The following EML3 variants were observed in gnomAD, a reference collection of about 807,000 sequenced individuals.
EML3 encodes the protein echinoderm microtubule-associated protein-like 3.
A neutral mutation model predicts 106.7 loss-of-function variants in EML3; 53 were observed. That is an observed-to-expected ratio of 0.50 (90% CI 0.40 to 0.62). EML3 has a LOEUF of 0.62. EML3 is among the 20% of genes least tolerant of loss of function. The probability of loss-of-function intolerance (pLI) is 0.00; values close to 1 mark genes in which losing one functional copy is unlikely to be tolerated. For missense variants in EML3, 994 were observed against 1,209.1 expected (o/e 0.82, Z 2.64); for synonymous variants, 499 against 489.6 (o/e 1.02, Z -0.25).
chr11:62,609,691 CCA>C lies in EML3; in HGVS notation c.570_571del (p.Gly192LysfsTer45). 4.4e-6 allele frequency: 7 copies of C among 1,599,818 alleles called. No homozygotes were observed. The highest frequency in any genetic ancestry group is 6.0e-6 in the Non-Finnish European group (7 of 1,173,752). ...AGGGCTGGAGAGGGGGTCTTTTCCCCCACGGCTGTTGGGAAGAGAGAAAGCAC... is the reference window on the plus strand; with the variant it reads ...AGGGCTGGAGAGGGGGTCTTTTCCCCCGGCTGTTGGGAAGAGAGAAAGCAC... On this transcript the variant is annotated frameshift_variant, in exon 5 of 22. Transcript: ENST00000394773. LOFTEE classifies it high-confidence loss of function.
At chr11:62,612,391 G>A (rs1207343538) in intron 1 of EML3, 45 bp downstream of exon 1, 7 of 1,496,500 alleles carry the variant, frequency 4.7e-6, no homozygotes, top group Admixed American at 4.2e-5. Flanking sequence ...CGACGAGCCG[G>A]GCGCTCCGGG....
rs1265177758 is a variant in EML3 at position 62,611,132 on chromosome 11, G to A, written c.407C>T (p.Pro136Leu). ...CTGCAAGGGCCTGAGGATCCCCGGGGGGCCAGGGGAGCCAGCACCACTGCT... is the reference window on the plus strand; with the variant it reads ...CTGCAAGGGCCTGAGGATCCCCGGGAGGCCAGGGGAGCCAGCACCACTGCT... ...SSSSGAGSPGPPGILRPLQPP... is the reference protein window; with the variant it reads ...SSSSGAGSPGLPGILRPLQPP... The change falls in exon 3 of 22, where the codon CCC becomes CTC. Residue 136 changes from proline (P) to leucine (L), a missense_variant. By Grantham distance (98) the Pro-to-Leu change is moderately conservative (BLOSUM62 -3). Coordinates refer to ENST00000394773, the MANE Select transcript of EML3 (RefSeq NM_153265.3). 1 of 1,598,544 alleles carries A rather than the reference G, an allele frequency of 6.3e-7. No homozygotes were observed. The highest frequency in any genetic ancestry group is 1.3e-5 in the African/African-American group (1 of 74,954).
At chr11:62,608,411 C>T in intron 9 of EML3, 115 bp from the exon 10 acceptor site, 1 of 1,334,334 alleles carries the variant, frequency 7.5e-7, no homozygotes, top group East Asian at 2.3e-5. Context: ...AGTTGACACA[C>T]ATGGCCCTTT....
chr11:62,602,335 C>A lies in EML3; in HGVS notation c.*140G>T, dbSNP rs1260915051. ...TGTGTGCAGGGGCGCCGTTCGCGCC[C>A]TCCAGGAAAATGCGCGATCGGGAAT... On this transcript the variant is annotated 3_prime_UTR_variant, in exon 22 of 22. Transcript: ENST00000394773. The A allele has an allele frequency of 3.9e-6, 6 of 1,551,258 alleles. No individual in the cohort carries two copies. The highest frequency in any genetic ancestry group is 4.4e-6 in the Non-Finnish European group (5 of 1,146,896).
chr11:62,603,318 G>T, intron 19 of EML3, 71 bp from the exon 20 acceptor site: 1 of 1,391,846 alleles, frequency 7.2e-7, no homozygotes, highest in Non-Finnish European at 1.0e-6. Flanking sequence ...GGGAAAGCCA[G>T]ACTGGAAAGA....
chr11:62,608,088 C>T (rs1313510158), intron 10 of EML3, 113 bp downstream of exon 10: 4 of 1,073,718 alleles, frequency 3.7e-6, no homozygotes, highest in African/African-American at 1.6e-5. Flanking sequence ...GAGATTTGCC[C>T]CATGTGACCC....
intron 6 of EML3, 89 bp from the exon 7 acceptor site, chr11:62,609,221 C>A: frequency 1.3e-6 from 2 of 1,581,900 alleles, no homozygotes; most frequent in South Asian, 1.1e-5. Flanking sequence ...GCTGGCAGGG[C>A]CTAGAGCAGA....
chr11:62,607,366 G>T, intron 11 of EML3: 1 of 465,680 alleles, frequency 2.1e-6, no homozygotes. Flanking sequence ...CCAACATGAT[G>T]AAACCGTATC....
chr11:62,606,876 ATGG>A, intron 12 of EML3, 79 bp downstream of exon 12: 6 of 1,200,250 alleles, frequency 5.0e-6, no homozygotes, highest in South Asian at 1.6e-5. Context: ...AAAAAAAAAG[ATGG>A]GAATGGGAAA....
chr11:62,612,237 A>T, intron 1 of EML3, 199 bp downstream of exon 1: 1 of 536,960 alleles, frequency 1.9e-6, no homozygotes, highest in East Asian at 3.6e-5. Flanking sequence ...GGGGCGTAGA[A>T]TGACGCTGGG....
intron 12 of EML3, 32 bp from the exon 13 acceptor site, chr11:62,606,246 T>C: frequency 6.2e-7 from 1 of 1,606,232 alleles, no homozygotes; most frequent in Non-Finnish European, 8.5e-7. Context: ...GATCATGTTT[T>C]GGGGGTGCAG....
At chr11:62,604,285 C>T in intron 16 of EML3, 84 bp from the exon 17 acceptor site, 1 of 1,209,612 alleles carries the variant, frequency 8.3e-7, no homozygotes, top group Non-Finnish European at 1.2e-6. Flanking sequence ...CCTGGGTAGG[C>T]TTGGGGATGG....
rs186722753 is a variant in EML3 at position 62,607,158 on chromosome 11, G to A, written c.1363-59C>T. 9.4e-5 allele frequency: 150 copies of A among 1,590,660 alleles called. 1 individual carries two copies. In the East Asian group the frequency reaches 2.6e-3, roughly 28 times the overall value. On this transcript the variant is annotated intron_variant, in intron 11 of 21. Coordinates refer to ENST00000394773, the MANE Select transcript of EML3 (RefSeq NM_153265.3). ...AAGGGAAGGGCAAAGATTAAAAGTC[G>A]CAGGGCAGGCCAGGTGCAGTGGCTC...
chr11:62,608,919 C>CA, intron 7 of EML3, 43 bp downstream of exon 7: 2 of 1,608,820 alleles, frequency 1.2e-6, no homozygotes, highest in Non-Finnish European at 1.7e-6. Flanking sequence ...TCCATCCCCC[C>CA]AGACCCTCTT....
intron 1 of EML3, chr11:62,612,034 G>T: frequency 2.7e-6 from 1 of 371,906 alleles, no homozygotes; most frequent in African/African-American, 2.1e-5. Context: ...GTGCGGGAAT[G>T]GAGTCATACT....
Position 62,612,600 on chromosome 11 carries a change from C to G in EML3, c.-143G>C, listed in dbSNP as rs1051094242. ...ACCACCCCGAGGGGGCGCTGTCGGG[C>G]GCGGGGAAGGGGCCTGGAGGGGGCG... is the stretch of plus-strand genomic sequence containing the variant. On this transcript the variant is annotated 5_prime_UTR_variant, in exon 1 of 22. Coordinates refer to ENST00000394773, the MANE Select transcript of EML3 (RefSeq NM_153265.3). 1 of 817,900 alleles carries G rather than the reference C, an allele frequency of 1.2e-6. No homozygotes were observed. The highest frequency in any genetic ancestry group is 1.7e-6 in the Non-Finnish European group (1 of 593,406). The allele number at this position is 817,900 out of a possible 1,614,324, so 50.7% of individuals were successfully genotyped here.
In EML3 at chr11:62,602,810, G is replaced by T. The variant is rs781594087; in HGVS notation, c.2436C>A (p.Ala812=). 14 of 1,610,246 alleles carry T rather than the reference G, an allele frequency of 8.7e-6. No individual in the cohort carries two copies. The highest frequency in any genetic ancestry group is 1.2e-5 in the Non-Finnish European group (14 of 1,178,880). Residue 812 remains alanine, a synonymous_variant, in exon 21 of 22, where the codon GCC becomes GCA. Transcript: ENST00000394773. ...AGAGATGCACTTTGCAGAAGTCGTC[G>T]GCCACCGCCACCACGCGCTCGTTGT... ...RSHNERVVAV[A]DDFCKVHLFQ...
At chr11:62,609,556 A>T in intron 5 of EML3, 73 bp downstream of exon 5, 4 of 1,557,246 alleles carry the variant, frequency 2.6e-6, no homozygotes, top group Non-Finnish European at 2.6e-6. Context: ...ACCTACCCAA[A>T]ATAGCTCCTG....
intron 16 of EML3, 121 bp downstream of exon 16, chr11:62,604,991 AG>A (rs1942441075): frequency 1.1e-6 from 1 of 885,488 alleles, no homozygotes; most frequent in Admixed American, 3.1e-5. Flanking sequence ...AGAGGCACAG[AG>A]GAGTGCCAAG....
Sources: allele counts gnomAD v4.1 joint callset, GRCh38; gene constraint gnomAD v4.1.1; transcripts MANE v1.5; gene names NCBI Gene and HGNC (gene_info 2026-07-23, HGNC 2026-07-21).